Variants in EXOC3L4 observed in about 807,000 individuals in gnomAD.
EXOC3L4 encodes the protein exocyst complex component 3-like protein 4.
EXOC3L4 carries 62 observed loss-of-function variants against 69.7 expected under a neutral mutation model. The ratio of observed to expected loss-of-function variants is 0.89; its 90% CI spans 0.72 to 1.10. The LOEUF is 1.10. Among genes scored for constraint, EXOC3L4 ranks in the 50% least tolerant of loss-of-function variants. The probability of loss-of-function intolerance (pLI) is 0.00; values close to 1 mark genes in which losing one functional copy is unlikely to be tolerated. For missense variants in EXOC3L4, 1,087 were observed against 1,034.8 expected, an observed-to-expected ratio of 1.05 and a Z score of -0.69; for synonymous variants, 502 against 464.2, an observed-to-expected ratio of 1.08 and a Z score of -1.05.
At chr14:103,096,618 T>C (rs888226591) in intron 1 of EXOC3L4, among the ~76,000 whole-genome samples, 1 of 152,194 alleles carries the variant, frequency 6.6e-6, no homozygotes, top group Non-Finnish European at 1.5e-5. Context: ...CTTTAATACC[T>C]GATTGGTCGG....
intron 11 of EXOC3L4, among the ~76,000 whole-genome samples, chr14:103,109,183 CTCTCCCTCGCCACCCTGTCCCCATGT>C (rs1890763050): frequency 1.6e-5 from 2 of 122,780 alleles, no homozygotes; most frequent in Admixed American, 7.9e-5. Flanking sequence ...CGGTCTCCCT[CTCTCCCTCGCCACCCTGTCCCCATGT>C]CTCCCTCCCT....
At chr14:103,104,495 T>C in intron 5 of EXOC3L4, 106 bp downstream of exon 5, 1 of 1,391,070 alleles carries the variant, frequency 7.2e-7, no homozygotes, top group Non-Finnish European at 9.3e-7. Context: ...AACCCTTCCG[T>C]TAGATGGGAG....
chr14:103,102,453 C>T lies in EXOC3L4; in HGVS notation c.730C>T (p.His244Tyr), dbSNP rs1355606195. The change falls in exon 3 of 12, where the codon CAC becomes TAC. Residue 244 changes from histidine to tyrosine, a missense_variant. Transcript: ENST00000688303. ...FLRTPRRWRQ[H>Y]WEEAVRRSAQ... ...GCGCACGCCGCGCCGCTGGCGCCAGCACTGGGAGGAGGCGGTGCGGCGAAG... is the reference window on the plus strand; with the variant it reads ...GCGCACGCCGCGCCGCTGGCGCCAGTACTGGGAGGAGGCGGTGCGGCGAAG... 1 of 1,480,666 alleles carries T rather than the reference C, an allele frequency of 6.8e-7. No individual in the cohort carries two copies. Among genetic ancestry groups the T allele is most frequent in the Non-Finnish European group, 8.9e-7 (1 of 1,126,438 alleles). The allele number at this position is 1,480,666 out of a possible 1,614,324, so 91.7% of individuals were successfully genotyped here. A position where few individuals can be genotyped will look rare whatever the true frequency, so the allele number is the denominator to read the frequency against.
intron 1 of EXOC3L4, among the ~76,000 whole-genome samples, chr14:103,095,570 T>A (rs866876388): frequency 5.9e-5 from 9 of 152,194 alleles, no homozygotes; most frequent in Middle Eastern, 6.8e-3. Context: ...TTCTGAGTGA[T>A]CAGAGTGAGG....
intron 1 of EXOC3L4, among the ~76,000 whole-genome samples, chr14:103,098,025 C>T (rs996955776): frequency 2.0e-5 from 3 of 151,932 alleles, no homozygotes; most frequent in Non-Finnish European, 1.5e-5. Flanking sequence ...TTGGGAAGGT[C>T]GAGAATAGCT....
At chr14:103,103,798 GT>G in intron 3 of EXOC3L4, 142 bp from the exon 4 acceptor site, 4 of 234,770 alleles carry the variant, frequency 1.7e-5, no homozygotes, top group Non-Finnish European at 1.5e-5. Context: ...GCGCGCGCGC[GT>G]GTGTGTGTGT....
At position 103,104,263 on chromosome 14, in the gene EXOC3L4, C is replaced by T. The variant is rs368829433; in HGVS notation, c.1162-4C>T. The T allele has an allele frequency of 3.2e-6, 5 of 1,583,860 alleles. No individual in the cohort carries two copies. In the African/African-American group the frequency reaches 5.4e-5, roughly 17 times the overall value. On this transcript the variant is annotated splice_polypyrimidine_tract_variant and splice_region_variant and intron_variant, in intron 4 of 11. Transcript: ENST00000688303. ...TCACCACGGCCCATCCCTTCTCCCC[C>T]CAGGCCAAGATCGCAAGCTGCTTCG...
intron 10 of EXOC3L4, 107 bp from the exon 11 acceptor site, chr14:103,108,289 G>C: frequency 6.7e-7 from 1 of 1,493,534 alleles, no homozygotes; most frequent in Non-Finnish European, 9.0e-7. Flanking sequence ...CTACAGGAGG[G>C]CTGACGCTGC....
At chr14:103,107,389 G>T in intron 8 of EXOC3L4, 35 bp from the exon 9 acceptor site, 1 of 1,601,294 alleles carries the variant, frequency 6.2e-7, no homozygotes. Flanking sequence ...CGGGCGTAGT[G>T]CACATTTGCA....
chr14:103,106,024 G>A (rs1001421396), intron 7 of EXOC3L4, among the ~76,000 whole-genome samples: 45 of 152,330 alleles, frequency 3.0e-4, no homozygotes, highest in African/African-American at 1.1e-3. Flanking sequence ...AGGGGACTCA[G>A]TTCCCATTGG....
rs1890707014 is a variant in EXOC3L4, at chr14:103,108,439, C to T, written c.1898C>T (p.Ala633Val). Residue 633 changes from alanine to valine, a missense_variant, in exon 11 of 12, where the codon GCT becomes GTT. Coordinates refer to ENST00000688303, the MANE Select transcript of EXOC3L4 (RefSeq NM_001077594.2). ...TWLDQAIQCV[A>V]EILGETYKDD... is the part of the protein sequence containing the mutation. The stretch of plus-strand genomic sequence containing the variant: ...TTGGACCAAGCCATCCAGTGCGTGG[C>T]TGAGATCCTGGGCGAGACCTACAAA... 3 of 1,613,842 alleles carry T rather than the reference C, an allele frequency of 1.9e-6. No individual in the cohort carries two copies. Among genetic ancestry groups the T allele is most frequent in the Non-Finnish European group, 2.5e-6 (3 of 1,179,854 alleles).
chr14:103,101,522 G>A lies in EXOC3L4; in HGVS notation c.395-596G>A, dbSNP rs1017066432. Among the ~76,000 whole-genome samples, 30 of 152,292 alleles carry A rather than the reference G, an allele frequency of 2.0e-4. 1 individual carries two copies. The highest frequency in any genetic ancestry group is 2.0e-3 in the Admixed American group (30 of 15,300). The stretch of plus-strand genomic sequence containing the variant: ...TGGCCCTAGATCCCCACCTCTCCAT[G>A]GCCTTTCACAGCCTGGCTCCTGGTC... On this transcript the variant is annotated intron_variant, in intron 2 of 11. Transcript: ENST00000688303.
At chr14:103,096,669 C>CAG (rs1416857509) in intron 1 of EXOC3L4, among the ~76,000 whole-genome samples, 1 of 152,196 alleles carries the variant, frequency 6.6e-6, no homozygotes, top group East Asian at 1.9e-4. Flanking sequence ...AAGATGGATG[C>CAG]AGTCACCTTC....
At position 103,110,200 on chromosome 14, in the gene EXOC3L4, GCTGTGCTGATCAC is replaced by G. The variant is rs1890855420; in HGVS notation, c.2150_2162del (p.Val717AlafsTer108). On this transcript the variant is annotated frameshift_variant, in exon 12 of 12. Coordinates refer to ENST00000688303, the MANE Select transcript of EXOC3L4 (RefSeq NM_001077594.2). LOFTEE classifies it high-confidence loss of function. Reference sequence around the variant, plus strand: ...GGAGATCAAGGTGCCCAGTGCCATGGCTGTGCTGATCACCTGCGTCTAGTTCTCTCTGGCTCGA... The same window carrying G: ...GGAGATCAAGGTGCCCAGTGCCATGGCTGCGTCTAGTTCTCTCTGGCTCGA... 1 of 1,514,602 alleles carries G rather than the reference GCTGTGCTGATCAC, an allele frequency of 6.6e-7. No individual in the cohort carries two copies. 93.8% of individuals were successfully genotyped at this position (1,514,602 alleles called of 1,614,324 possible). A position where few individuals can be genotyped will look rare whatever the true frequency, so the allele number is the denominator to read the frequency against.
In EXOC3L4 at chr14:103,105,039, T is replaced by G. The variant is rs762441291; in HGVS notation, c.1433T>G (p.Leu478Arg). ...TCGGAGGCGGTGAGCGAGCCGCACC[T>G]GGGCGCCTACATCAACGCCTGCGAG... Reference protein sequence around the residue: ...LASEAVSEPHLGAYINACEEL... With the variant: ...LASEAVSEPHRGAYINACEEL... Residue 478 changes from leucine to arginine, a missense_variant, in exon 7 of 12, where the codon CTG (leucine) becomes CGG (arginine). Leu to Arg is a moderately radical substitution (Grantham distance 102). Coordinates refer to ENST00000688303, the MANE Select transcript of EXOC3L4 (RefSeq NM_001077594.2). 6.2e-7 allele frequency: 1 copy of G among 1,612,238 alleles called. No individual in the cohort carries two copies. Among genetic ancestry groups the G allele is most frequent in the Non-Finnish European group, 8.5e-7 (1 of 1,178,610 alleles).
intron 1 of EXOC3L4, chr14:103,098,618 C>A (rs757927335): frequency 6.6e-6 from 1 of 152,270 alleles, no homozygotes; most frequent in African/African-American, 2.4e-5. Flanking sequence ...CTCTTGACAG[C>A]GGTGGATGCA....
At position 103,102,374 on chromosome 14, in the gene EXOC3L4, G is replaced by A. The variant is rs764533102; in HGVS notation, c.651G>A (p.Val217=). 5.6e-5 allele frequency: 88 copies of A among 1,560,598 alleles called. No individual in the cohort carries two copies. The highest frequency in any genetic ancestry group is 7.4e-5 in the Non-Finnish European group (86 of 1,160,336). Residue 217 remains valine, a synonymous_variant, in exon 3 of 12, where the codon GTG becomes GTA. Coordinates refer to ENST00000688303, the MANE Select transcript of EXOC3L4 (RefSeq NM_001077594.2). ...DAAALAELAR[V]VSAEEEAHPS... ...CCGCGCTGGCCGAGCTGGCCCGCGT[G>A]GTGAGCGCGGAGGAGGAAGCCCACC... is the stretch of plus-strand genomic sequence containing the variant.
chr14:103,101,779 T>C (rs916832487), intron 2 of EXOC3L4, among the ~76,000 whole-genome samples: 4 of 152,198 alleles, frequency 2.6e-5, no homozygotes, highest in Non-Finnish European at 5.9e-5. Flanking sequence ...TCCGACCCTA[T>C]TAGACCTGCA....
At chr14:103,101,755 C>T (rs10141689) in intron 2 of EXOC3L4, among the ~76,000 whole-genome samples, 2 of 152,184 alleles carry the variant, frequency 1.3e-5, no homozygotes, top group Middle Eastern at 3.2e-3. Context: ...GGGCAGGACA[C>T]GCCCTGCCTG....
Sources: allele counts gnomAD v4.1 joint callset (sites outside exome capture counted in the v4.1 genomes callset), GRCh38; gene constraint gnomAD v4.1.1; transcripts MANE v1.5; gene names NCBI Gene and HGNC (gene_info 2026-07-23, HGNC 2026-07-21).